The following WSCD1 variants were observed in gnomAD, a reference collection of about 807,000 sequenced individuals.
The protein encoded by WSCD1 is WSC domain sialate O sulfotransferase 1, also known as sialate:O-sulfotransferase 1.
Under a neutral mutation model 60.4 loss-of-function variants are expected in WSCD1, and 41 were observed. The ratio of observed to expected loss-of-function variants is 0.68; its 90% CI spans 0.53 to 0.88. The LOEUF (loss-of-function observed/expected upper bound fraction) is 0.88. WSCD1 is among the 40% of genes least tolerant of loss of function. The pLI, the probability that WSCD1 is intolerant of heterozygous loss-of-function variation, is 0.00. For missense variants in WSCD1, 784 were observed against 796.2 expected, an observed-to-expected ratio of 0.98 and a Z score of 0.18; for synonymous variants, 361 against 332.5, an observed-to-expected ratio of 1.09 and a Z score of -0.93.
upstream of WSCD1, among the ~76,000 whole-genome samples, chr17:6,069,867 T>A (rs1908419136): frequency 6.6e-6 from 1 of 151,192 alleles, no homozygotes; most frequent in African/African-American, 2.4e-5. Context: ...TGTGTACGTG[T>A]GCGTGCCTGT....
In WSCD1 at chr17:6,120,828, CAT is replaced by C; in HGVS notation, c.*168_*169del. 4.3e-6 allele frequency: 3 copies of C among 691,634 alleles called. No individual in the cohort carries two copies. The South Asian group carries it at 5.8e-5, about 13-fold the overall frequency. 42.8% of individuals were successfully genotyped at this position (691,634 alleles called of 1,614,324 possible). On this transcript the variant is annotated 3_prime_UTR_variant, in exon 9 of 9. Coordinates refer to ENST00000317744, the MANE Select transcript of WSCD1 (RefSeq NM_015253.2). ...AGGAGACCTGGACACAACAGACACA[CAT>C]CACAAGGCGAACACAAATGGACACA... is the stretch of plus-strand genomic sequence containing the variant.
chr17:6,110,930 A>G lies in WSCD1; in HGVS notation c.1169A>G (p.Asn390Ser). 2 of 1,598,394 alleles carry G rather than the reference A, an allele frequency of 1.3e-6. No individual in the cohort carries two copies. The highest frequency in any genetic ancestry group is 1.7e-6 in the Non-Finnish European group (2 of 1,168,564). Residue 390 changes from asparagine to serine, a missense_variant, in exon 7 of 9, where the codon AAC becomes AGC. Physicochemically the swap from Asn to Ser is conservative, Grantham distance 46 (BLOSUM62 1). Coordinates refer to ENST00000317744, the MANE Select transcript of WSCD1 (RefSeq NM_015253.2). The surrounding 1 kb of genome is among the most constrained non-coding windows in gnomAD (Gnocchi z 4.8). ...GSYYFDGTLY[N>S]KGFKGEKDHW... is the part of the protein sequence containing the mutation. The stretch of plus-strand genomic sequence containing the variant: ...TACTACTTTGATGGAACCCTCTACA[A>G]CAAAGGTAAGTCAAAGCTACAGGGG...
At position 6,101,982 on chromosome 17, in the gene WSCD1, G is replaced by A. The variant is rs1451227313; in HGVS notation, c.849+6759G>A. On this transcript the variant is annotated intron_variant, in intron 5 of 8. Coordinates refer to ENST00000317744, the MANE Select transcript of WSCD1 (RefSeq NM_015253.2). The surrounding 1 kb of genome is among the most constrained non-coding windows in gnomAD (Gnocchi z 4.1). ...CACTCCACCGGCGATTATACCTTGT[G>A]ATGTGAGGTTTGTTCTCCCAGCTGC... Among the ~76,000 whole-genome samples, 1 of 151,824 alleles carries A rather than the reference G, an allele frequency of 6.6e-6. No individual in the cohort carries two copies. The highest frequency in any genetic ancestry group is 1.5e-5 in the Non-Finnish European group (1 of 67,888).
intron 4 of WSCD1, among the ~76,000 whole-genome samples, chr17:6,094,448 G>A (rs917820815): frequency 6.6e-6 from 1 of 152,122 alleles, no homozygotes; most frequent in Non-Finnish European, 1.5e-5. Flanking sequence ...TCTTCCGGTA[G>A]GACATTGAAT....
chr17:6,110,800 C>A lies in WSCD1; in HGVS notation c.1039C>A (p.Pro347Thr). 1.2e-6 allele frequency: 2 copies of A among 1,613,758 alleles called. No homozygotes were observed. The highest frequency in any genetic ancestry group is 8.5e-7 in the Non-Finnish European group (1 of 1,179,714). The change falls in exon 7 of 9, where the codon CCT (proline) becomes ACT (threonine). Residue 347 changes from proline to threonine, a missense_variant. Coordinates refer to ENST00000317744, the MANE Select transcript of WSCD1 (RefSeq NM_015253.2). This position sits in a 1 kb window ranked among gnomAD's most constrained non-coding sequence, Gnocchi z 4.8. Reference sequence around the variant, plus strand: ...TCGTTGTACAGACAGGAGGTTCCTGCCTAACAAATCCAAAGTGTTTGTGGC... The same window carrying A: ...TCGTTGTACAGACAGGAGGTTCCTGACTAACAAATCCAAAGTGTTTGTGGC... ...DTRCTDRRFL[P>T]NKSKVFVALS...
intron 5 of WSCD1, among the ~76,000 whole-genome samples, chr17:6,104,796 G>A (rs2150560684): frequency 6.6e-6 from 1 of 152,304 alleles, no homozygotes. Flanking sequence ...GTTGAGCTGT[G>A]TTGATGTGGC....
chr17:6,090,840 A>C (rs1042570067), intron 4 of WSCD1, among the ~76,000 whole-genome samples: 1 of 151,768 alleles, frequency 6.6e-6, no homozygotes, highest in Admixed American at 6.6e-5. Flanking sequence ...CTATTTTGTA[A>C]ATTGCAGAGG....
At chr17:6,120,286 C>G in intron 8 of WSCD1, 23 bp from the exon 9 acceptor site, 1 of 1,601,864 alleles carries the variant, frequency 6.2e-7, no homozygotes, top group East Asian at 2.2e-5. Context: ...CCCGACTCTG[C>G]ATCTCTCCTG....
intron 1 of WSCD1, 84 bp downstream of exon 1, chr17:6,070,736 T>C (rs1434191843): frequency 6.6e-6 from 1 of 151,272 alleles, no homozygotes; most frequent in East Asian, 2.0e-4. Context: ...CAAACAAGTT[T>C]GTGCAGACGC....
At chr17:6,086,250 C>CATATATATATATATATATATATGTGT (rs200049914) in intron 2 of WSCD1, among the ~76,000 whole-genome samples, 5 of 98,234 alleles carry the variant, frequency 5.1e-5, no homozygotes, top group Non-Finnish European at 1.0e-4. Flanking sequence ...GTCCTGACTT[C>CATATATATATATATATATATATGTGT]ATATATATAT....
chr17:6,088,846 G>T (rs28664605), intron 3 of WSCD1, among the ~76,000 whole-genome samples: 8,032 of 150,632 alleles, frequency 0.053, 682 homozygotes, highest in African/African-American at 0.18. Flanking sequence ...GCAGTGGCGC[G>T]ATCTCCACTC....
intron 3 of WSCD1, among the ~76,000 whole-genome samples, chr17:6,088,796 T>TG (rs889137422): frequency 1.3e-5 from 2 of 151,626 alleles, no homozygotes; most frequent in Non-Finnish European, 2.9e-5. Flanking sequence ...CTTTTTTTTT[T>TG]TTTTGAGACG....
Position 6,089,584 on chromosome 17 carries a change from G to A in WSCD1, c.543-737G>A, listed in dbSNP as rs530137839. On this transcript the variant is annotated intron_variant, in intron 3 of 8. Coordinates refer to ENST00000317744, the MANE Select transcript of WSCD1 (RefSeq NM_015253.2). ...TGGCAGGCACTTCAGACCAGCTCAC[G>A]GCCGCTCACCATGGGAAGCTGTTAA... is the stretch of plus-strand genomic sequence containing the variant. Among the ~76,000 whole-genome samples the A allele has an allele frequency of 3.9e-5, 6 of 152,300 alleles. No individual in the cohort carries two copies. In the East Asian group the frequency reaches 9.6e-4, roughly 24 times the overall value.
chr17:6,094,149 G>T (rs1314829252), intron 4 of WSCD1, among the ~76,000 whole-genome samples: 2 of 152,270 alleles, frequency 1.3e-5, no homozygotes, highest in African/African-American at 4.8e-5. Context: ...GAGTCTGGAA[G>T]AAATACGAGC....
chr17:6,084,894 G>C (rs932591935), intron 2 of WSCD1: 1 of 151,986 alleles, frequency 6.6e-6, no homozygotes, highest in East Asian at 1.9e-4. Flanking sequence ...TTCATTCTGC[G>C]TCCAGATAAA....
intron 7 of WSCD1, among the ~76,000 whole-genome samples, chr17:6,115,693 C>T (rs1911654559): frequency 6.6e-6 from 1 of 152,026 alleles, no homozygotes; most frequent in East Asian, 1.9e-4. Flanking sequence ...CTCTTGGGTT[C>T]AAGCGATTCT....
chr17:6,087,835 A>G (rs1483328880), intron 2 of WSCD1, 155 bp from the exon 3 acceptor site: 6 of 594,328 alleles, frequency 1.0e-5, no homozygotes, highest in Non-Finnish European at 1.8e-5. Flanking sequence ...CACTTTGCTC[A>G]GCACTGAGTG....
At chr17:6,077,170 C>A (rs1567548548) in intron 1 of WSCD1, among the ~76,000 whole-genome samples, 1 of 150,118 alleles carries the variant, frequency 6.7e-6, no homozygotes, top group East Asian at 2.0e-4. Context: ...CTCACTGCAA[C>A]CTCCGCCTCC....
intron 5 of WSCD1, 112 bp from the exon 6 acceptor site, chr17:6,109,495 C>A: frequency 6.9e-7 from 1 of 1,445,034 alleles, no homozygotes; most frequent in Non-Finnish European, 9.4e-7. Flanking sequence ...CTGTGGATTC[C>A]ATACAGATAC....
Sources: allele counts gnomAD v4.1 joint callset (sites outside exome capture counted in the v4.1 genomes callset), GRCh38; gene constraint gnomAD v4.1.1; non-coding constraint Gnocchi (gnomAD v3.1); transcripts MANE v1.5; gene names NCBI Gene and HGNC (gene_info 2026-07-23, HGNC 2026-07-21).